Variants in ZNF516 observed in about 807,000 individuals in gnomAD.
ZNF516 encodes the protein zinc finger protein 516.
A neutral mutation model predicts 79.7 loss-of-function variants in ZNF516; 19 were observed. The observed-to-expected ratio is 0.24, with a 90% CI of 0.17 to 0.35. The LOEUF is 0.35. Among genes scored for constraint, ZNF516 ranks in the 10% least tolerant of loss-of-function variants. The probability of loss-of-function intolerance (pLI) is 1.00; values close to 1 mark genes in which losing one functional copy is unlikely to be tolerated. For synonymous variants in ZNF516, 877 were observed against 739.5 expected, an observed-to-expected ratio of 1.19 and a Z score of -3.02; for missense variants, 1,678 against 1,679.5, an observed-to-expected ratio of 1.00 and a Z score of 0.02.
intron 1 of ZNF516, chr18:76,491,668 G>C: frequency 1.8e-6 from 1 of 558,206 alleles, no homozygotes; most frequent in Non-Finnish European, 2.2e-6. Context: ...AGCGGCCACC[G>C]CCCCCACCCC....
At chr18:76,440,128 C>A (rs1186905845) in intron 3 of ZNF516, among the ~76,000 whole-genome samples, 1 of 152,190 alleles carries the variant, frequency 6.6e-6, no homozygotes, top group African/African-American at 2.4e-5. Flanking sequence ...ACAAGTTTTG[C>A]TACAGGAGAA....
At chr18:76,416,247 GT>G (rs2075432030) in intron 3 of ZNF516, among the ~76,000 whole-genome samples, 1 of 152,226 alleles carries the variant, frequency 6.6e-6, no homozygotes, top group South Asian at 2.1e-4. Flanking sequence ...GAGGCGGCCG[GT>G]TCCCCAGGCA....
chr18:76,412,804 G>A (rs894709931), intron 3 of ZNF516, among the ~76,000 whole-genome samples: 1 of 152,150 alleles, frequency 6.6e-6, no homozygotes, highest in Non-Finnish European at 1.5e-5. Flanking sequence ...GTCCCACTGA[G>A]TCCTCTCCTC....
chr18:76,480,052 G>A (rs933223271), intron 1 of ZNF516, among the ~76,000 whole-genome samples: 3 of 150,674 alleles, frequency 2.0e-5, no homozygotes, highest in Non-Finnish European at 3.0e-5. Context: ...GGTTTGTGGC[G>A]GGGCGCCCCT....
chr18:76,402,811 C>A (rs561098254), intron 3 of ZNF516, among the ~76,000 whole-genome samples: 1 of 152,300 alleles, frequency 6.6e-6, no homozygotes, highest in African/African-American at 2.4e-5. Context: ...CGTGTTCCCA[C>A]ACTGGCAGCT....
intron 2 of ZNF516, among the ~76,000 whole-genome samples, chr18:76,458,527 C>T (rs1010484955): frequency 2.6e-5 from 4 of 152,222 alleles, no homozygotes; most frequent in African/African-American, 7.2e-5. Context: ...TAGACAGGTA[C>T]GAAGGGAATC....
At chr18:76,435,904 C>A (rs690008) in intron 3 of ZNF516, among the ~76,000 whole-genome samples, 151,671 of 152,322 alleles carry the variant, frequency 1, 75,516 homozygotes, top group Non-Finnish European at 1. Context: ...TCTATGGCTC[C>A]TTTTGGTTAG....
chr18:76,440,725 AGTGTGTGTGTGTGTGTTTGTGTGT>A (rs1320946430), intron 3 of ZNF516, among the ~76,000 whole-genome samples: 1 of 118,738 alleles, frequency 8.4e-6, no homozygotes, highest in Non-Finnish European at 1.8e-5. Flanking sequence ...AGTGGAGGAA[AGTGTGTGTGTGTGTGTTTGTGTGT>A]GTGTGTGTGT....
chr18:76,437,233 G>C (rs946576016), intron 3 of ZNF516, among the ~76,000 whole-genome samples: 1 of 152,150 alleles, frequency 6.6e-6, no homozygotes, highest in South Asian at 2.1e-4. Flanking sequence ...CAGCGCACCA[G>C]CACGGACAGC....
intron 3 of ZNF516, among the ~76,000 whole-genome samples, chr18:76,430,597 A>G (rs1036869383): frequency 1.3e-5 from 2 of 152,250 alleles, no homozygotes; most frequent in African/African-American, 4.8e-5. Context: ...AGATTCAAGC[A>G]TGTATGTAAG....
intron 1 of ZNF516, among the ~76,000 whole-genome samples, chr18:76,473,088 T>A (rs1042556769): frequency 6.6e-6 from 1 of 152,068 alleles, no homozygotes; most frequent in African/African-American, 2.4e-5. Context: ...GAAAACATTA[T>A]AAATACCGCC....
At chr18:76,433,642 G>A (rs1317186031) in intron 3 of ZNF516, among the ~76,000 whole-genome samples, 6 of 152,184 alleles carry the variant, frequency 3.9e-5, no homozygotes, top group South Asian at 2.1e-4. Flanking sequence ...AGGTGCCAGA[G>A]CTGAAATGCA....
chr18:76,402,899 C>T (rs1302779783), intron 3 of ZNF516, among the ~76,000 whole-genome samples: 1 of 152,184 alleles, frequency 6.6e-6, no homozygotes, highest in Non-Finnish European at 1.5e-5. Flanking sequence ...TGTCTGCGCT[C>T]GCAGGACAAC....
At chr18:76,416,746 G>A (rs960433786) in intron 3 of ZNF516, among the ~76,000 whole-genome samples, 19 of 152,226 alleles carry the variant, frequency 1.2e-4, no homozygotes, top group East Asian at 5.8e-4. Flanking sequence ...CAGTAATGGC[G>A]AAAAGCAAAT....
At chr18:76,416,131 A>C (rs1202382924) in intron 3 of ZNF516, among the ~76,000 whole-genome samples, 1 of 152,274 alleles carries the variant, frequency 6.6e-6, no homozygotes, top group Non-Finnish European at 1.5e-5. Flanking sequence ...AAGTGAAGGA[A>C]AAACTCTCAG....
intron 5 of ZNF516, among the ~76,000 whole-genome samples, 163 bp downstream of exon 5, chr18:76,371,304 G>C (rs1182162991): frequency 2.0e-5 from 3 of 152,222 alleles, no homozygotes; most frequent in East Asian, 1.9e-4. Flanking sequence ...GGTGTGGAGT[G>C]GGGGCGGCCT....
intron 3 of ZNF516, among the ~76,000 whole-genome samples, chr18:76,382,297 G>A (rs1329475878): frequency 1.3e-5 from 2 of 152,168 alleles, no homozygotes; most frequent in African/African-American, 4.8e-5. Context: ...ATATGAAAGA[G>A]GAAACGTTAG....
chr18:76,452,725 C>G (rs78133190), intron 2 of ZNF516, among the ~76,000 whole-genome samples: 2,710 of 152,270 alleles, frequency 0.018, 96 homozygotes, highest in African/African-American at 0.062. Flanking sequence ...TTCTCGAAGT[C>G]CCTTGAACAT....
chr18:76,395,112 C>G (rs1045485603), intron 3 of ZNF516, among the ~76,000 whole-genome samples: 2 of 152,156 alleles, frequency 1.3e-5, no homozygotes, highest in Non-Finnish European at 2.9e-5. Flanking sequence ...ACAAAGCCTG[C>G]ATGCCTGCAT....
Sources: allele counts gnomAD v4.1 joint callset (sites outside exome capture counted in the v4.1 genomes callset), GRCh38; gene constraint gnomAD v4.1.1; transcripts MANE v1.5; gene names NCBI Gene and HGNC (gene_info 2026-07-23, HGNC 2026-07-21).